The following TRPM7 variants were observed in gnomAD, a reference collection of about 807,000 sequenced individuals.
TRPM7 encodes LTRPC ion channel family member 7.
TRPM7 carries 134 observed loss-of-function variants against 229.7 expected under a neutral mutation model. That is an observed-to-expected ratio of 0.58 (90% confidence interval 0.51 to 0.67). The LOEUF (loss-of-function observed/expected upper bound fraction) is 0.67. Among genes scored for constraint, TRPM7 ranks in the 30% least tolerant of loss-of-function variants. The pLI is 0.00. For missense variants in TRPM7, 1,901 were observed against 2,210.0 expected (o/e 0.86, Z 2.80); for synonymous variants, 699 against 715.2 (o/e 0.98, Z 0.36).
At chr15:50,601,847 A>G (rs1183959096) in intron 21 of TRPM7, among the ~76,000 whole-genome samples, 1 of 151,980 alleles carries the variant, frequency 6.6e-6, no homozygotes, top group Non-Finnish European at 1.5e-5. Flanking sequence ...TAGCCTATAA[A>G]GTGTGAGGGA....
rs144823492 is a variant in TRPM7, at chr15:50,617,800, G to C, written c.1494+1945C>G. Among the ~76,000 whole-genome samples the C allele has an allele frequency of 5.1e-3, 779 of 151,854 alleles. 12 individuals are homozygous for C. The highest frequency in any genetic ancestry group is 0.018 in the African/African-American group (735 of 41,364). On this transcript the variant is annotated intron_variant, in intron 13 of 38. Transcript: ENST00000646667. ...CCCCCACCAATCATTTGGACTACAGGCACGTGACAACATGCCGGGCTAATT... is the reference window on the plus strand; with the variant it reads ...CCCCCACCAATCATTTGGACTACAGCCACGTGACAACATGCCGGGCTAATT...
chr15:50,639,627 C>A lies in TRPM7; in HGVS notation c.536-79G>T, dbSNP rs186319358. 83 of 1,331,586 alleles carry A rather than the reference C, an allele frequency of 6.2e-5. No individual in the cohort carries two copies. The East Asian group carries it at 2.1e-3, about 33-fold the overall frequency. The allele number at this position is 1,331,586 out of a possible 1,614,324, so 82.5% of individuals were successfully genotyped here. On this transcript the variant is annotated intron_variant, in intron 5 of 38. Coordinates refer to ENST00000646667, the MANE Select transcript of TRPM7 (RefSeq NM_017672.6). ...GGTCACCCAGGAAAGAGAGCAGTGGCGCAATGACAGCTCACTGCAGCCTCA... is the reference window on the plus strand; with the variant it reads ...GGTCACCCAGGAAAGAGAGCAGTGGAGCAATGACAGCTCACTGCAGCCTCA...
intron 10 of TRPM7, 70 bp downstream of exon 10, chr15:50,631,347 C>G: frequency 1.2e-6 from 1 of 819,954 alleles, no homozygotes; most frequent in South Asian, 2.0e-5. Context: ...TACACATATA[C>G]ACACATACAC....
At chr15:50,612,426 A>G (rs1432768595) in intron 16 of TRPM7, 123 bp downstream of exon 16, 3 of 684,814 alleles carry the variant, frequency 4.4e-6, no homozygotes, top group Non-Finnish European at 6.5e-6. Context: ...TTTTCTGTCA[A>G]TTGTACCAAT....
At position 50,574,623 on chromosome 15, in the gene TRPM7, A is replaced by C. The variant is rs764307449; in HGVS notation, c.5102+14T>G. 1.2e-6 allele frequency: 2 copies of C among 1,603,022 alleles called. No homozygotes were observed. The highest frequency in any genetic ancestry group is 1.1e-5 in the South Asian group (1 of 88,316). On this transcript the variant is annotated intron_variant, in intron 35 of 38. Coordinates refer to ENST00000646667, the MANE Select transcript of TRPM7 (RefSeq NM_017672.6). ...CATATAATAAAAGATCCCAGAAAAA[A>C]ATTAAAGATTTACCTTGGAGAATAT...
chr15:50,680,222 A>G (rs1283740172), intron 1 of TRPM7, among the ~76,000 whole-genome samples: 1 of 151,832 alleles, frequency 6.6e-6, no homozygotes, highest in Non-Finnish European at 1.5e-5. Flanking sequence ...TGACAGAGCA[A>G]GACTCCATCT....
chr15:50,607,680 T>G (rs2059953145), intron 19 of TRPM7, among the ~76,000 whole-genome samples: 1 of 151,852 alleles, frequency 6.6e-6, no homozygotes, highest in Non-Finnish European at 1.5e-5. Flanking sequence ...TACTGCAGAA[T>G]TTCACCACCA....
chr15:50,609,997 T>C, intron 17 of TRPM7, 36 bp from the exon 18 acceptor site: 2 of 1,392,678 alleles, frequency 1.4e-6, no homozygotes. Flanking sequence ...CATTTAAAAA[T>C]TAATGACCTT....
chr15:50,625,623 ACTC>A (rs2060535107), intron 11 of TRPM7, among the ~76,000 whole-genome samples: 1 of 151,774 alleles, frequency 6.6e-6, no homozygotes, highest in Non-Finnish European at 1.5e-5. Context: ...CAGGTCTCAA[ACTC>A]CTGGCCTCAA....
At chr15:50,684,112 G>A (rs1050190529) in intron 1 of TRPM7, among the ~76,000 whole-genome samples, 39 of 151,232 alleles carry the variant, frequency 2.6e-4, no homozygotes, top group East Asian at 1.4e-3. Context: ...GCCTGTCGCC[G>A]CCTCCCAAAG....
In TRPM7 at chr15:50,611,086, A is replaced by C. The variant is rs753502866; in HGVS notation, c.2280+7T>G. 3.1e-6 allele frequency: 5 copies of C among 1,592,430 alleles called. No individual in the cohort carries two copies. Among genetic ancestry groups the C allele is most frequent in the East Asian group, 2.2e-5 (1 of 44,698 alleles). On this transcript the variant is annotated splice_region_variant and intron_variant, in intron 17 of 38. Transcript: ENST00000646667. Reference sequence around the variant, plus strand: ...ATGCTTTATATCAAATTATTTCTAAAGTATACCTTGTACCAGGAATTTTTC... The same window carrying C: ...ATGCTTTATATCAAATTATTTCTAACGTATACCTTGTACCAGGAATTTTTC...
At chr15:50,581,254 T>C (rs150527316) in intron 29 of TRPM7, among the ~76,000 whole-genome samples, 4,533 of 152,174 alleles carry the variant, frequency 0.03, 248 homozygotes, top group African/African-American at 0.1. Flanking sequence ...ATCCCAGCAC[T>C]TTGGGAGGCC....
In TRPM7 at chr15:50,592,474, G is replaced by A. The variant is rs56288221; in HGVS notation, c.3761C>T (p.Ala1254Val). 1,211 of 1,613,994 alleles carry A rather than the reference G, an allele frequency of 7.5e-4. 1 individual carries two copies. Among genetic ancestry groups the A allele is most frequent in the Non-Finnish European group, 9.0e-4 (1,061 of 1,180,044 alleles). Residue 1254 changes from alanine (A) to valine (V), a missense_variant, in exon 26 of 39, where the codon GCG (alanine) becomes GTG (valine). Ala to Val is a moderately conservative substitution (Grantham distance 64). Coordinates refer to ENST00000646667, the MANE Select transcript of TRPM7 (RefSeq NM_017672.6). ...DTLKTLTAQK[A>V]SEASKVHNEI... ...ATTATGAACTTTGCTAGCTTCCGACGCTTTCTGGGCAGTGAGTGTTTTTAA... is the reference window on the plus strand; with the variant it reads ...ATTATGAACTTTGCTAGCTTCCGACACTTTCTGGGCAGTGAGTGTTTTTAA...
intron 4 of TRPM7, among the ~76,000 whole-genome samples, chr15:50,644,638 A>G (rs2061204875): frequency 6.6e-6 from 1 of 152,014 alleles, no homozygotes; most frequent in South Asian, 2.1e-4. Context: ...CCCCGTCTCT[A>G]CTAAATACAA....
chr15:50,654,113 C>T (rs1020233578), intron 3 of TRPM7, among the ~76,000 whole-genome samples: 48 of 152,148 alleles, frequency 3.2e-4, no homozygotes, highest in Non-Finnish European at 1.2e-4. Flanking sequence ...AAACTGAACA[C>T]TCCTTACAGG....
Position 50,591,954 on chromosome 15 carries a change from A to G in TRPM7, c.4281T>C (p.Ser1427=). The part of the protein sequence containing the change: ...TGTKDQETVC[S]KATEGDNTEF... ...CTGTATTATCTCCTTCTGTAGCTTT[A>G]GAGCAAACAGTTTCTTGATCTTTGG... Residue 1427 remains serine, a synonymous_variant, in exon 26 of 39, where the codon TCT becomes TCC. Coordinates refer to ENST00000646667, the MANE Select transcript of TRPM7 (RefSeq NM_017672.6). 2.5e-6 allele frequency: 4 copies of G among 1,597,922 alleles called. No individual in the cohort carries two copies. Among genetic ancestry groups the G allele is most frequent in the Non-Finnish European group, 3.4e-6 (4 of 1,175,814 alleles).
chr15:50,585,570 G>C (rs979933661), intron 28 of TRPM7, among the ~76,000 whole-genome samples: 1 of 152,144 alleles, frequency 6.6e-6, no homozygotes, highest in African/African-American at 2.4e-5. Context: ...ATGATCTCAT[G>C]ATTTTTCTCC....
At position 50,583,163 on chromosome 15, in the gene TRPM7, A is replaced by T. The variant is rs780771270; in HGVS notation, c.4487-4T>A. ...GGCCTTCTACTGATTTTTTCTGCTAAAAGAAAATTAAAAAATATAAAAAAG... is the reference window on the plus strand; with the variant it reads ...GGCCTTCTACTGATTTTTTCTGCTATAAGAAAATTAAAAAATATAAAAAAG... On this transcript the variant is annotated splice_region_variant and splice_polypyrimidine_tract_variant and intron_variant, in intron 28 of 38. Coordinates refer to ENST00000646667, the MANE Select transcript of TRPM7 (RefSeq NM_017672.6). 2 of 1,591,240 alleles carry T rather than the reference A, an allele frequency of 1.3e-6. No individual in the cohort carries two copies. Among genetic ancestry groups the T allele is most frequent in the East Asian group, 4.5e-5 (2 of 44,524 alleles).
Position 50,639,434 on chromosome 15 carries a change from A to G in TRPM7, c.650T>C (p.Val217Ala), listed in dbSNP as rs766484395. 1 of 1,598,442 alleles carries G rather than the reference A, an allele frequency of 6.3e-7. No homozygotes were observed. The highest frequency in any genetic ancestry group is 8.5e-7 in the Non-Finnish European group (1 of 1,171,214). The change falls in exon 6 of 39, where the codon GTT becomes GCT. Residue 217 changes from valine to alanine, a missense_variant. Around this residue, in one of 8 missense-constraint regions of TRPM7, gnomAD observed 794 missense variants for 881.9 expected, o/e 0.90. Transcript: ENST00000646667. Reference sequence around the variant, plus strand: ...AAAAATAATTCTTACATCTCTCCCAACAAGATCATTTCTGTTTTCAATCAC... The same window carrying G: ...AAAAATAATTCTTACATCTCTCCCAGCAAGATCATTTCTGTTTTCAATCAC... The part of the protein sequence containing the change: ...WGVIENRNDL[V>A]GRDVVAPYQT...
Sources: allele counts gnomAD v4.1 joint callset (sites outside exome capture counted in the v4.1 genomes callset), GRCh38; gene constraint gnomAD v4.1.1; regional missense constraint gnomAD v4.1.1; transcripts MANE v1.5; gene names NCBI Gene and HGNC (gene_info 2026-07-23, HGNC 2026-07-21).